Variants in PIP5K1B observed in about 807,000 individuals in gnomAD.
PIP5K1B encodes the protein phosphatidylinositol 4-phosphate 5-kinase type-1 beta.
A neutral mutation model predicts 67.0 loss-of-function variants in PIP5K1B; 42 were observed. That is an observed-to-expected ratio of 0.63 (90% confidence interval 0.49 to 0.81). The LOEUF (loss-of-function observed/expected upper bound fraction) is 0.81, where lower values mean the gene tolerates loss of function less well. Ranked by LOEUF, PIP5K1B falls within the 30% of genes least tolerant of loss-of-function variation. PIP5K1B has a pLI of 0.00. For missense variants in PIP5K1B, 459 were observed against 646.3 expected (o/e 0.71, Z 3.14); for synonymous variants, 214 against 231.4 (o/e 0.92, Z 0.68).
intron 2 of PIP5K1B, among the ~76,000 whole-genome samples, chr9:68,801,574 CA>C (rs1423418226): frequency 6.6e-6 from 1 of 152,090 alleles, no homozygotes; most frequent in East Asian, 1.9e-4. Flanking sequence ...CAGGGATTGA[CA>C]GAGTTTAATA....
intron 1 of PIP5K1B, among the ~76,000 whole-genome samples, chr9:68,723,959 T>C (rs1432835394): frequency 6.6e-6 from 1 of 152,012 alleles, no homozygotes; most frequent in Non-Finnish European, 1.5e-5. Flanking sequence ...ACAAATATCT[T>C]ATAAGATTTT....
At chr9:68,729,140 A>G (rs748919723) in intron 1 of PIP5K1B, among the ~76,000 whole-genome samples, 2 of 152,198 alleles carry the variant, frequency 1.3e-5, no homozygotes, top group Admixed American at 6.5e-5. Flanking sequence ...ATTGCAAGAA[A>G]TGCATTAGGG....
chr9:68,776,282 A>G (rs1830913612), intron 2 of PIP5K1B, among the ~76,000 whole-genome samples: 1 of 152,144 alleles, frequency 6.6e-6, no homozygotes, highest in Non-Finnish European at 1.5e-5. Flanking sequence ...TATATTTGGA[A>G]ATTTAATAGT....
At chr9:68,886,952 T>C (rs1824507899) in intron 6 of PIP5K1B, among the ~76,000 whole-genome samples, 1 of 152,234 alleles carries the variant, frequency 6.6e-6, no homozygotes, top group South Asian at 2.1e-4. Flanking sequence ...CACTGGCCTC[T>C]GCTGTGCCTT....
intron 14 of PIP5K1B, among the ~76,000 whole-genome samples, chr9:68,961,443 A>G (rs530032766): frequency 1.2e-4 from 18 of 152,358 alleles, no homozygotes; most frequent in African/African-American, 4.3e-4. Context: ...ATTATATGGT[A>G]TACATATGAT....
At chr9:68,743,710 G>T (rs1829131366) in intron 2 of PIP5K1B, among the ~76,000 whole-genome samples, 1 of 152,220 alleles carries the variant, frequency 6.6e-6, no homozygotes, top group Admixed American at 6.5e-5. Context: ...CAAAGTGCCA[G>T]TTTATTGAAG....
At chr9:68,810,611 C>T (rs1279021545) in intron 2 of PIP5K1B, among the ~76,000 whole-genome samples, 6 of 152,128 alleles carry the variant, frequency 3.9e-5, no homozygotes, top group Non-Finnish European at 5.9e-5. Context: ...GCAAACTCAT[C>T]TGTGGCAAAT....
intron 1 of PIP5K1B, among the ~76,000 whole-genome samples, chr9:68,733,627 CTTTTTTTTTTTTT>C (rs35759487): frequency 1.2e-4 from 7 of 56,464 alleles, no homozygotes; most frequent in African/African-American, 5.5e-4. Context: ...TACTTAGACT[CTTTTTTTTTTTTT>C]TTTTTTTTTT....
intron 14 of PIP5K1B, among the ~76,000 whole-genome samples, chr9:68,947,291 A>G (rs1255366640): frequency 1.3e-5 from 2 of 152,154 alleles, no homozygotes; most frequent in African/African-American, 4.8e-5. Flanking sequence ...CGCCTTGGAG[A>G]AGGGACAGTG....
At chr9:68,890,660 TA>T (rs1208186171) in intron 7 of PIP5K1B, among the ~76,000 whole-genome samples, 1 of 151,384 alleles carries the variant, frequency 6.6e-6, no homozygotes, top group South Asian at 2.1e-4. Flanking sequence ...ACTGAGCAAT[TA>T]TTTTTTTTTG....
At chr9:68,804,193 C>T (rs1327213454) in intron 2 of PIP5K1B, among the ~76,000 whole-genome samples, 1 of 152,078 alleles carries the variant, frequency 6.6e-6, no homozygotes, top group Non-Finnish European at 1.5e-5. Flanking sequence ...GAGGAAGGGT[C>T]TCAGGAAGGA....
chr9:68,779,807 A>C (rs58384767), intron 2 of PIP5K1B, among the ~76,000 whole-genome samples: 59,750 of 152,154 alleles, frequency 0.39, 11,943 homozygotes, highest in African/African-American at 0.46. Context: ...GCCCCACATC[A>C]CCATGGGCCT....
chr9:68,816,238 C>G (rs1393544635), intron 2 of PIP5K1B, among the ~76,000 whole-genome samples: 1 of 152,156 alleles, frequency 6.6e-6, no homozygotes, highest in African/African-American at 2.4e-5. Flanking sequence ...AAGCAATTCT[C>G]CTGCCTCAGC....
At chr9:68,954,078 C>G (rs1011675833) in intron 14 of PIP5K1B, among the ~76,000 whole-genome samples, 18 of 151,956 alleles carry the variant, frequency 1.2e-4, no homozygotes, top group African/African-American at 3.6e-4. Flanking sequence ...TCTGTGTTTT[C>G]CGCAGGGAGA....
At chr9:68,891,654 A>C (rs1467838408) in intron 7 of PIP5K1B, among the ~76,000 whole-genome samples, 1 of 152,156 alleles carries the variant, frequency 6.6e-6, no homozygotes, top group African/African-American at 2.4e-5. Context: ...TACAAAAAGA[A>C]ATAGAAAAAA....
chr9:68,973,759 A>G lies in PIP5K1B; in HGVS notation c.1503-17381A>G, dbSNP rs537150486. 4.0e-3 allele frequency among the ~76,000 whole-genome samples: 612 copies of G among 152,366 alleles called. 1 individual carries two copies. Among genetic ancestry groups the G allele is most frequent in the Non-Finnish European group, 6.5e-3 (443 of 68,038 alleles). Reference sequence around the variant, plus strand: ...AATTCAGAGCTCCTGAACACCAGCCAGGCCCCAGCCTCCTAAGCCAGAATG... The same window carrying G: ...AATTCAGAGCTCCTGAACACCAGCCGGGCCCCAGCCTCCTAAGCCAGAATG... On this transcript the variant is annotated intron_variant, in intron 14 of 15. Transcript: ENST00000265382.
chr9:69,002,538 C>T (rs1314297788), intron 15 of PIP5K1B, among the ~76,000 whole-genome samples: 1 of 152,124 alleles, frequency 6.6e-6, no homozygotes, highest in African/African-American at 2.4e-5. Flanking sequence ...TCCCCCACTG[C>T]ACTACATCCC....
At chr9:68,956,022 T>G (rs1828370626) in intron 14 of PIP5K1B, among the ~76,000 whole-genome samples, 1 of 152,214 alleles carries the variant, frequency 6.6e-6, no homozygotes, top group South Asian at 2.1e-4. Context: ...GAAAAATCAA[T>G]TATTGCCAAG....
intron 2 of PIP5K1B, among the ~76,000 whole-genome samples, chr9:68,768,732 T>C (rs956096062): frequency 4.6e-5 from 7 of 152,260 alleles, no homozygotes; most frequent in African/African-American, 1.4e-4. Context: ...ATGTATGGCA[T>C]CCTTTTCTGC....
Sources: gnomAD v4.1 joint callset for allele counts (sites outside exome capture counted in the v4.1 genomes callset) on GRCh38, gnomAD v4.1.1 for gene constraint, MANE v1.5 for transcripts, NCBI Gene and HGNC (gene_info 2026-07-23, HGNC 2026-07-21) for gene names.